Variants in RRP1 observed in about 807,000 individuals in gnomAD.
RRP1 encodes ribosomal RNA processing protein 1 homolog A.
In RRP1, 37 loss-of-function variants were observed where a neutral mutation model predicts 54.6. The observed-to-expected ratio is 0.68, with a 90% CI of 0.52 to 0.89. RRP1 has a LOEUF of 0.89. RRP1 is among the 40% of genes least tolerant of loss of function. The pLI is 0.00. For synonymous variants in RRP1, 262 were observed against 244.3 expected, an observed-to-expected ratio of 1.07 and a Z score of -0.67; for missense variants, 639 against 612.5, an observed-to-expected ratio of 1.04 and a Z score of -0.46.
At chr21:43,790,044 T>C (rs188113142) in intron 1 of RRP1, among the ~76,000 whole-genome samples, 231 of 152,366 alleles carry the variant, frequency 1.5e-3, no homozygotes, top group African/African-American at 5.1e-3. Flanking sequence ...CAGTAGACCA[T>C]GTACTCCTGC....
In RRP1 at chr21:43,797,712, C is replaced by T; in HGVS notation, c.617+17C>T. On this transcript the variant is annotated intron_variant, in intron 7 of 12. Transcript: ENST00000497547. Reference sequence around the variant, plus strand: ...GACCAAGGAGTAAGTGGTGGGTGGCCTGATCGGGCCCGACTCCTTCACTGA... The same window carrying T: ...GACCAAGGAGTAAGTGGTGGGTGGCTTGATCGGGCCCGACTCCTTCACTGA... The T allele has an allele frequency of 6.2e-7, 1 of 1,612,848 alleles. No individual in the cohort carries two copies.
chr21:43,790,042 C>G (rs979536041), intron 1 of RRP1, among the ~76,000 whole-genome samples: 19 of 152,252 alleles, frequency 1.2e-4, no homozygotes, highest in African/African-American at 4.6e-4. Context: ...TCCAGTAGAC[C>G]ATGTACTCCT....
chr21:43,793,228 G>A (rs1348667113), intron 3 of RRP1, 91 bp from the exon 4 acceptor site: 2 of 1,118,200 alleles, frequency 1.8e-6, no homozygotes, highest in Non-Finnish European at 2.7e-6. Context: ...CTATAGCTAT[G>A]TAAAGAACGG....
intron 8 of RRP1, 81 bp downstream of exon 8, chr21:43,798,181 GCCACCTCCTA>G: frequency 8.0e-7 from 1 of 1,249,762 alleles, no homozygotes; most frequent in Non-Finnish European, 1.1e-6. Flanking sequence ...GGTTGCTCCT[GCCACCTCCTA>G]CCTGGTCCCC....
At chr21:43,790,712 C>A in intron 1 of RRP1, 1 of 257,896 alleles carries the variant, frequency 3.9e-6, no homozygotes, top group South Asian at 3.8e-5. Flanking sequence ...CTCAGCCTCC[C>A]CAATAGCTGG....
At chr21:43,801,319 A>C (rs2085087683) in intron 11 of RRP1, among the ~76,000 whole-genome samples, 1 of 152,170 alleles carries the variant, frequency 6.6e-6, no homozygotes, top group African/African-American at 2.4e-5. Flanking sequence ...TCAGACCTGC[A>C]ACTCAGTTGG....
intron 12 of RRP1, 38 bp downstream of exon 12, chr21:43,802,425 C>T (rs1488440854): frequency 6.5e-7 from 1 of 1,540,004 alleles, no homozygotes. Flanking sequence ...GAGCCGGCGT[C>T]CTCACCTGCT....
rs1481499111 is a variant in RRP1, at chr21:43,789,658, A to C, written c.29A>C (p.Glu10Ala). ...GTTTCGCGCGTGCAGCTCCCGCCTG[A>C]GATCCAGCTGGCTCAGCGCCTGGCG... MVSRVQLPP[E>A]IQLAQRLAGN... Residue 10 changes from glutamate (E) to alanine (A), a missense_variant, in exon 1 of 13, where the codon GAG becomes GCG. Coordinates refer to ENST00000497547, the MANE Select transcript of RRP1 (RefSeq NM_003683.6). The C allele has an allele frequency of 6.3e-7, 1 of 1,581,510 alleles. No homozygotes were observed. The highest frequency in any genetic ancestry group is 2.4e-5 in the East Asian group (1 of 42,264).
At chr21:43,796,837 TGTCTA>T (rs2085023260) in intron 5 of RRP1, among the ~76,000 whole-genome samples, 1 of 152,208 alleles carries the variant, frequency 6.6e-6, no homozygotes, top group Non-Finnish European at 1.5e-5. Flanking sequence ...TCTCTGGGGC[TGTCTA>T]GTCTTCAGAT....
chr21:43,800,956 C>A, intron 11 of RRP1, 75 bp downstream of exon 11: 1 of 1,512,966 alleles, frequency 6.6e-7, no homozygotes, highest in Non-Finnish European at 9.2e-7. Context: ...TGGTTTGGTT[C>A]TAGGGGTCTC....
At chr21:43,802,764 C>T (rs1297373793) in intron 12 of RRP1, among the ~76,000 whole-genome samples, 1 of 152,120 alleles carries the variant, frequency 6.6e-6, no homozygotes, top group Admixed American at 6.6e-5. Flanking sequence ...TCCCCTTCTT[C>T]CCTCCACTTC....
chr21:43,794,234 G>A (rs1742264770), intron 4 of RRP1, among the ~76,000 whole-genome samples: 1 of 152,208 alleles, frequency 6.6e-6, no homozygotes, highest in East Asian at 1.9e-4. Context: ...GAAGGAAGGA[G>A]GCTCCAGGGC....
chr21:43,795,036 G>A (rs540298011), intron 4 of RRP1, among the ~76,000 whole-genome samples, 153 bp from the exon 5 acceptor site: 1 of 152,244 alleles, frequency 6.6e-6, no homozygotes. Flanking sequence ...GCGTCTGTCT[G>A]TCAGCAGCTC....
rs1344494041 is a variant in RRP1 at position 43,792,663 on chromosome 21, C to T, written c.217-9C>T. The stretch of plus-strand genomic sequence containing the variant: ...GGGGCTGAGGGCGTTTTTGTTGTTT[C>T]CTACACAGGAAGAATTAGGAAGGAC... On this transcript the variant is annotated splice_polypyrimidine_tract_variant and intron_variant, in intron 2 of 12. Transcript: ENST00000497547. The T allele has an allele frequency of 6.2e-7, 1 of 1,613,936 alleles. No homozygotes were observed. The highest frequency in any genetic ancestry group is 2.2e-5 in the East Asian group (1 of 44,894).
intron 1 of RRP1, among the ~76,000 whole-genome samples, chr21:43,790,268 A>G (rs1198335330): frequency 6.6e-6 from 1 of 152,190 alleles, no homozygotes; most frequent in African/African-American, 2.4e-5. Flanking sequence ...CATTTGTTAG[A>G]AATACACGTT....
At position 43,804,995 on chromosome 21, in the gene RRP1, TGGCCA is replaced by T. The variant is rs1472985867; in HGVS notation, c.*1225_*1229del. 2 of 152,380 alleles carry T rather than the reference TGGCCA, an allele frequency of 1.3e-5. No individual in the cohort carries two copies. Among genetic ancestry groups the T allele is most frequent in the African/African-American group, 4.8e-5 (2 of 41,410 alleles). The allele number at this position is 152,380 out of a possible 1,614,324, so 9.4% of individuals were successfully genotyped here. A position where few individuals can be genotyped will look rare whatever the true frequency, so the allele number is the denominator to read the frequency against. The stretch of plus-strand genomic sequence containing the variant: ...CCAAAGGAACTTAAAAAGACAAGCG[TGGCCA>T]GGCACAGTGGCTCACACCTGTAATC... On this transcript the variant is annotated 3_prime_UTR_variant, in exon 13 of 13. Transcript: ENST00000497547. This position sits in a 1 kb window ranked among gnomAD's most constrained non-coding sequence, Gnocchi z 4.3.
At chr21:43,798,892 A>T (rs2085052671) in intron 8 of RRP1, among the ~76,000 whole-genome samples, 1 of 151,666 alleles carries the variant, frequency 6.6e-6, no homozygotes, top group Non-Finnish European at 1.5e-5. Context: ...TTGGCTTCCT[A>T]ATCAGAAGAC....
In RRP1 at chr21:43,803,585, C is replaced by T; in HGVS notation, c.1197C>T (p.Asp399=). ...GCAGGAGGAGGGGTGTAGGGGCCGA[C>T]CCCGAGGCGCGGGCAGAGGCTGGTG... ...KRSRRRGVGA[D]PEARAEAGEQ... Residue 399 remains aspartate (D), a synonymous_variant, in exon 13 of 13, where the codon GAC becomes GAT. Transcript: ENST00000497547. 1 of 1,552,698 alleles carries T rather than the reference C, an allele frequency of 6.4e-7. No individual in the cohort carries two copies. Among genetic ancestry groups the T allele is most frequent in the Non-Finnish European group, 8.7e-7 (1 of 1,148,594 alleles).
intron 2 of RRP1, among the ~76,000 whole-genome samples, chr21:43,792,031 G>A (rs755482904): frequency 1.3e-5 from 2 of 152,170 alleles, no homozygotes; most frequent in South Asian, 2.1e-4. Context: ...TGGAAACCAC[G>A]GGGCGGAATT....
Sources: gnomAD v4.1 joint callset for allele counts (sites outside exome capture counted in the v4.1 genomes callset) on GRCh38, gnomAD v4.1.1 for gene constraint, Gnocchi (gnomAD v3.1) non-coding constraint, MANE v1.5 for transcripts, NCBI Gene and HGNC (gene_info 2026-07-23, HGNC 2026-07-21) for gene names.